The following RANBP17 variants were observed in gnomAD, a reference collection of about 807,000 sequenced individuals.
The protein encoded by RANBP17 is ran-binding protein 17.
In RANBP17, 158 loss-of-function variants were observed where a neutral mutation model predicts 141.2. That is an observed-to-expected ratio of 1.12 (90% CI 0.98 to 1.28). The LOEUF is 1.28. RANBP17 is among the 50% of genes most tolerant of loss of function. RANBP17 has a pLI of 0.00. For missense variants in RANBP17, 1,438 were observed against 1,290.7 expected (o/e 1.11, Z -1.75); for synonymous variants, 430 against 450.0 (o/e 0.96, Z 0.56).
In RANBP17 at chr5:170,968,354, G is replaced by A. The variant is rs775689942; in HGVS notation, c.1687G>A (p.Asp563Asn). ...TCAGTTTCGTAAAACATATGTTGGT[G>A]ATCAACTTCAAAGAACCTCAAAGGT... ...LDQFRKTYVG[D>N]QLQRTSKVYA... is the part of the protein sequence containing the mutation. The change falls in exon 14 of 28, where the codon GAT becomes AAT. Residue 563 changes from aspartate to asparagine, a missense_variant. Physicochemically the swap from Asp to Asn is conservative, Grantham distance 23. Transcript: ENST00000523189. 2 of 1,605,082 alleles carry A rather than the reference G, an allele frequency of 1.2e-6. No homozygotes were observed. The highest frequency in any genetic ancestry group is 3.4e-5 in the Admixed American group (2 of 58,134).
Position 171,246,514 on chromosome 5 carries a change from A to C in RANBP17, c.2776+3694A>C, listed in dbSNP as rs781676040. On this transcript the variant is annotated intron_variant, in intron 24 of 27. Transcript: ENST00000523189. ...TTTCGTATAATTTGTCCTGTTTTCT[A>C]GTTGTTTGGCAGGAGGGCAAATTCT... Among the ~76,000 whole-genome samples the C allele has an allele frequency of 4.6e-5, 7 of 152,160 alleles. No homozygotes were observed. The South Asian group carries it at 1.4e-3, about 32-fold the overall frequency.
At chr5:170,942,258 C>T (rs1312963424) in intron 12 of RANBP17, among the ~76,000 whole-genome samples, 2 of 152,066 alleles carry the variant, frequency 1.3e-5, no homozygotes, top group African/African-American at 2.4e-5. Context: ...CTGTGCCTGG[C>T]ACCAAAAAGG....
intron 14 of RANBP17, among the ~76,000 whole-genome samples, chr5:171,107,217 G>C (rs1581651780): frequency 6.6e-6 from 1 of 152,332 alleles, no homozygotes; most frequent in South Asian, 2.1e-4. Flanking sequence ...TACATGGTCA[G>C]CCTCACATTC....
chr5:170,924,665 C>T, intron 12 of RANBP17, 115 bp downstream of exon 12: 1 of 626,454 alleles, frequency 1.6e-6, no homozygotes, highest in Non-Finnish European at 2.6e-6. Context: ...ATTCCTGGTC[C>T]CCTAATAAAC....
chr5:171,149,775 G>A (rs751454460), intron 14 of RANBP17, among the ~76,000 whole-genome samples: 2 of 152,064 alleles, frequency 1.3e-5, no homozygotes, highest in Non-Finnish European at 2.9e-5. Context: ...TCTATGGAAC[G>A]TGTCTTACTT....
At chr5:171,053,907 AT>A (rs1783150986) in intron 14 of RANBP17, among the ~76,000 whole-genome samples, 2 of 133,688 alleles carry the variant, frequency 1.5e-5, no homozygotes, top group African/African-American at 5.8e-5. Flanking sequence ...ATATATATAT[AT>A]ATATATATAT....
At chr5:171,040,768 G>T (rs1756076192) in intron 14 of RANBP17, among the ~76,000 whole-genome samples, 1 of 152,152 alleles carries the variant, frequency 6.6e-6, no homozygotes. Flanking sequence ...TTTTGAAACA[G>T]AGAAGAGGAA....
chr5:170,881,952 A>G (rs527316778), intron 3 of RANBP17, 56 bp downstream of exon 3: 9 of 1,180,404 alleles, frequency 7.6e-6, no homozygotes, highest in Middle Eastern at 2.0e-4. Flanking sequence ...TTTTTCTTTT[A>G]AATATACTAA....
chr5:171,138,844 C>T lies in RANBP17; in HGVS notation c.1711-31286C>T, dbSNP rs138550420. On this transcript the variant is annotated intron_variant, in intron 14 of 27. Coordinates refer to ENST00000523189, the MANE Select transcript of RANBP17 (RefSeq NM_022897.5). ...CCCAACACTTCGGAAGGCTGAGGCACTCAGGAGGATCACTTGAGGCCAGGA... is the reference window on the plus strand; with the variant it reads ...CCCAACACTTCGGAAGGCTGAGGCATTCAGGAGGATCACTTGAGGCCAGGA... Among the ~76,000 whole-genome samples the T allele has an allele frequency of 4.0e-3, 611 of 152,256 alleles. 4 individuals carry two copies. The highest frequency in any genetic ancestry group is 0.014 in the African/African-American group (588 of 41,564).
chr5:171,069,205 A>G (rs1784494240), intron 14 of RANBP17, among the ~76,000 whole-genome samples: 1 of 152,164 alleles, frequency 6.6e-6, no homozygotes, highest in African/African-American at 2.4e-5. Context: ...TCATTGAACC[A>G]CTAGGCAGAT....
chr5:171,097,868 T>C (rs912599872), intron 14 of RANBP17, among the ~76,000 whole-genome samples: 5 of 151,948 alleles, frequency 3.3e-5, no homozygotes, highest in South Asian at 2.1e-4. Flanking sequence ...CTCCCACTTA[T>C]GAGTGAGAAC....
chr5:171,065,737 G>T (rs940929112), intron 14 of RANBP17, among the ~76,000 whole-genome samples: 1 of 152,082 alleles, frequency 6.6e-6, no homozygotes, highest in African/African-American at 2.4e-5. Flanking sequence ...TCTTGTGCCA[G>T]TACCATACTG....
At chr5:171,029,493 C>T (rs942765275) in intron 14 of RANBP17, among the ~76,000 whole-genome samples, 2 of 152,128 alleles carry the variant, frequency 1.3e-5, no homozygotes, top group East Asian at 3.8e-4. Flanking sequence ...CATTTGCACT[C>T]ATGGTCATCA....
At chr5:170,921,565 A>C (rs1772467257) in intron 11 of RANBP17, among the ~76,000 whole-genome samples, 2 of 152,194 alleles carry the variant, frequency 1.3e-5, no homozygotes, top group African/African-American at 4.8e-5. Flanking sequence ...TGTCTTGGCT[A>C]TACGGGCTCT....
At chr5:170,934,657 T>G (rs1200761013) in intron 12 of RANBP17, among the ~76,000 whole-genome samples, 1 of 152,182 alleles carries the variant, frequency 6.6e-6, no homozygotes, top group Non-Finnish European at 1.5e-5. Flanking sequence ...GCTTGTAGAG[T>G]TTCTGCCGAG....
intron 14 of RANBP17, among the ~76,000 whole-genome samples, chr5:171,161,625 A>G (rs533745409): frequency 6.6e-6 from 1 of 152,306 alleles, no homozygotes; most frequent in Non-Finnish European, 1.5e-5. Context: ...TAATTCTACA[A>G]TGTTCATATT....
intron 16 of RANBP17, among the ~76,000 whole-genome samples, chr5:171,179,747 A>G (rs1249289950): frequency 1.3e-5 from 2 of 152,092 alleles, no homozygotes; most frequent in African/African-American, 4.8e-5. Flanking sequence ...TTAGTAGTAC[A>G]TATTATAGTG....
At position 171,198,646 on chromosome 5, in the gene RANBP17, C is replaced by G. The variant is rs182292556; in HGVS notation, c.2039-1024C>G. On this transcript the variant is annotated intron_variant, in intron 18 of 27. Transcript: ENST00000523189. ...TGGGATGGAACCTGGGCATTTACAT[C>G]TCACAAGTTCACAAGTGATGTTGAT... 5.9e-5 allele frequency among the ~76,000 whole-genome samples: 9 copies of G among 152,342 alleles called. No homozygotes were observed. The East Asian group carries it at 1.7e-3, about 29-fold the overall frequency.
At chr5:170,952,106 A>G (rs1470256894) in intron 12 of RANBP17, among the ~76,000 whole-genome samples, 1 of 152,048 alleles carries the variant, frequency 6.6e-6, no homozygotes, top group Non-Finnish European at 1.5e-5. Context: ...AGCAGCTACC[A>G]CTTGATAGAG....
Sources: allele counts gnomAD v4.1 joint callset (sites outside exome capture counted in the v4.1 genomes callset), GRCh38; gene constraint gnomAD v4.1.1; transcripts MANE v1.5; gene names NCBI Gene and HGNC (gene_info 2026-07-23, HGNC 2026-07-21).